Variants in C1orf21 observed in about 807,000 individuals in gnomAD.
C1orf21 encodes the protein chromosome 1 open reading frame 21, also known as uncharacterized protein C1orf21.
C1orf21 carries 3 observed loss-of-function variants against 18.7 expected under a neutral mutation model. The observed-to-expected ratio is 0.16, with a 90% confidence interval of 0.07 to 0.42. The LOEUF (loss-of-function observed/expected upper bound fraction) is 0.42, where lower values mean the gene tolerates loss of function less well. Ranked by LOEUF, C1orf21 falls within the 10% of genes least tolerant of loss-of-function variation. The pLI is 0.99. For synonymous variants in C1orf21, 41 were observed against 46.4 expected, an observed-to-expected ratio of 0.88 and a Z score of 0.47; for missense variants, 104 against 143.6, an observed-to-expected ratio of 0.72 and a Z score of 1.41.
chr1:184,437,340 G>A (rs576604928), intron 1 of C1orf21, among the ~76,000 whole-genome samples: 1 of 152,140 alleles, frequency 6.6e-6, no homozygotes, highest in Non-Finnish European at 1.5e-5. Context: ...TGTTATTTCA[G>A]CAAAACCAAC....
At position 184,621,625 on chromosome 1, in the gene C1orf21, G is replaced by A. The variant is rs184061451; in HGVS notation, c.*2069G>A. The A allele has an allele frequency of 2.6e-5, 4 of 152,300 alleles. No homozygotes were observed. Among genetic ancestry groups the A allele is most frequent in the African/African-American group, 7.2e-5 (3 of 41,492 alleles). 9.4% of individuals were successfully genotyped at this position (152,300 alleles called of 1,614,324 possible). ...CGTCTTCCATTTGACTTCTCTACTC[G>A]GTGTCTCAGACAGTGTCTTCCCAGA... On this transcript the variant is annotated 3_prime_UTR_variant, in exon 6 of 6. Transcript: ENST00000235307.
At chr1:184,432,670 A>G (rs902007250) in intron 1 of C1orf21, among the ~76,000 whole-genome samples, 3 of 152,222 alleles carry the variant, frequency 2.0e-5, no homozygotes, top group East Asian at 3.9e-4. Flanking sequence ...AGTATTAAAA[A>G]AAAAGAAAAG....
chr1:184,542,881 A>G (rs1658675526), intron 3 of C1orf21, among the ~76,000 whole-genome samples: 1 of 152,246 alleles, frequency 6.6e-6, no homozygotes. Flanking sequence ...TTCCATAGCC[A>G]CATTATCCTA....
At chr1:184,438,891 T>C (rs1656901512) in intron 1 of C1orf21, among the ~76,000 whole-genome samples, 1 of 152,136 alleles carries the variant, frequency 6.6e-6, no homozygotes, top group Non-Finnish European at 1.5e-5. Flanking sequence ...GATATGTCGT[T>C]GGGTTGCATT....
intron 1 of C1orf21, among the ~76,000 whole-genome samples, chr1:184,467,429 T>C (rs1657416823): frequency 6.6e-6 from 1 of 152,194 alleles, no homozygotes; most frequent in African/African-American, 2.4e-5. Flanking sequence ...CTTTACATAG[T>C]CTTTCCCTTT....
At chr1:184,607,602 G>GAT (rs1248368721) in intron 5 of C1orf21, among the ~76,000 whole-genome samples, 16 of 150,718 alleles carry the variant, frequency 1.1e-4, no homozygotes, top group South Asian at 4.2e-4. Flanking sequence ...CAAGCATATA[G>GAT]ATATATATAT....
At chr1:184,468,015 A>T (rs1209249496) in intron 1 of C1orf21, among the ~76,000 whole-genome samples, 2 of 146,734 alleles carry the variant, frequency 1.4e-5, no homozygotes, top group African/African-American at 5.5e-5. Context: ...TGTGTGTGAG[A>T]GAGAGAGAGA....
intron 4 of C1orf21, 141 bp downstream of exon 4, chr1:184,590,956 T>C (rs1659428533): frequency 2.8e-6 from 2 of 719,846 alleles, no homozygotes; most frequent in Non-Finnish European, 2.3e-6. Flanking sequence ...AATTTGAACT[T>C]GCCGCACACC....
At chr1:184,431,770 C>T (rs1433762926) in intron 1 of C1orf21, among the ~76,000 whole-genome samples, 1 of 151,756 alleles carries the variant, frequency 6.6e-6, no homozygotes, top group East Asian at 1.9e-4. Flanking sequence ...AACAAATTTA[C>T]AAGAAAAAAA....
intron 1 of C1orf21, among the ~76,000 whole-genome samples, chr1:184,446,333 T>C (rs1657029678): frequency 6.6e-6 from 1 of 152,174 alleles, no homozygotes; most frequent in African/African-American, 2.4e-5. Context: ...TTCTTCAGCC[T>C]CACCTTTTTT....
At chr1:184,523,358 C>T (rs147498830) in intron 3 of C1orf21, among the ~76,000 whole-genome samples, 1,607 of 152,110 alleles carry the variant, frequency 0.011, 22 homozygotes, top group Non-Finnish European at 0.012. Context: ...TGTGGTCTTC[C>T]ACCCCAAACC....
At chr1:184,534,486 C>T (rs1003396371) in intron 3 of C1orf21, among the ~76,000 whole-genome samples, 6 of 152,134 alleles carry the variant, frequency 3.9e-5, no homozygotes, top group African/African-American at 1.4e-4. Flanking sequence ...AGATGATTTG[C>T]TTCTTTCTAT....
intron 3 of C1orf21, among the ~76,000 whole-genome samples, chr1:184,571,598 TG>T (rs1395080388): frequency 2.0e-5 from 3 of 152,218 alleles, no homozygotes; most frequent in African/African-American, 4.8e-5. Context: ...ATGACTTGCC[TG>T]GCTTTGACTT....
At chr1:184,584,982 G>T (rs1265826629) in intron 3 of C1orf21, among the ~76,000 whole-genome samples, 1 of 152,198 alleles carries the variant, frequency 6.6e-6, no homozygotes, top group African/African-American at 2.4e-5. Context: ...GTTGAAACTG[G>T]ATTGTCGTGA....
chr1:184,505,645 C>T (rs1050554632), intron 2 of C1orf21, among the ~76,000 whole-genome samples: 2 of 151,800 alleles, frequency 1.3e-5, no homozygotes, highest in African/African-American at 4.8e-5. Flanking sequence ...CGCCTGTAAT[C>T]CCAGCTAGTT....
At chr1:184,429,568 A>G (rs1656701786) in intron 1 of C1orf21, among the ~76,000 whole-genome samples, 2 of 152,160 alleles carry the variant, frequency 1.3e-5, no homozygotes, top group Non-Finnish European at 2.9e-5. Flanking sequence ...ACCATCTGGC[A>G]TAAAAGAATT....
intron 1 of C1orf21, among the ~76,000 whole-genome samples, chr1:184,429,530 T>C (rs1312324096): frequency 6.6e-6 from 1 of 152,118 alleles, no homozygotes; most frequent in Non-Finnish European, 1.5e-5. Flanking sequence ...GGATGTTATG[T>C]TGAGGTGTCT....
At chr1:184,564,186 TAAC>T (rs1659002701) in intron 3 of C1orf21, among the ~76,000 whole-genome samples, 1 of 152,172 alleles carries the variant, frequency 6.6e-6, no homozygotes. Context: ...GAAGTAATAA[TAAC>T]AACTACTGCT....
At chr1:184,459,059 G>A (rs990104532) in intron 1 of C1orf21, among the ~76,000 whole-genome samples, 6 of 152,158 alleles carry the variant, frequency 3.9e-5, no homozygotes, top group African/African-American at 1.4e-4. Flanking sequence ...GCATTATGCT[G>A]TTTGTTATGA....
Sources: allele counts gnomAD v4.1 joint callset (sites outside exome capture counted in the v4.1 genomes callset), GRCh38; gene constraint gnomAD v4.1.1; transcripts MANE v1.5; gene names NCBI Gene and HGNC (gene_info 2026-07-23, HGNC 2026-07-21).